The following TCEAL5 variants were observed in gnomAD, a reference collection of about 807,000 sequenced individuals.
TCEAL5 encodes the protein transcription elongation factor A like 5.
For synonymous variants in TCEAL5, 65 were observed against 61.2 expected (o/e 1.06, Z -0.29); for missense variants, 111 against 158.1 (o/e 0.70, Z 1.60).
chrX:103,274,681 T>C, intron 2 of TCEAL5, 91 bp from the exon 3 acceptor site: 1 of 917,173 alleles, frequency 1.1e-6, no homozygotes, highest in Non-Finnish European at 1.5e-6. Context: ...CTTAGGGTTT[T>C]CCTGGCCCTA....
At chrX:103,276,015 C>T (rs1456013434) in intron 1 of TCEAL5, among the ~76,000 whole-genome samples, 2 of 111,440 alleles carry the variant, frequency 1.8e-5, no homozygotes, top group Non-Finnish European at 1.9e-5. Flanking sequence ...CCCCCTTAGC[C>T]CACCGTTTCC....
chrX:103,274,325 C>G lies in TCEAL5; in HGVS notation c.239G>C (p.Gly80Ala). ...GNQEKQGKSE[G>A]EDKPQSEGKP... ...GCCCTCACTTTGTGGCTTGTCCTCA[C>G]CTTCAGACTTGCCCTGCTTTTCCTG... The change falls in exon 3 of 3, where the codon GGT (glycine) becomes GCT (alanine). Residue 80 changes from glycine (G) to alanine (A), a missense_variant. Coordinates refer to ENST00000372680, the MANE Select transcript of TCEAL5 (RefSeq NM_001012979.3). 2.5e-6 allele frequency: 3 copies of G among 1,211,679 alleles called. No homozygotes were observed. Among genetic ancestry groups the G allele is most frequent in the Non-Finnish European group, 3.4e-6 (3 of 895,465 alleles).
rs770358448 is a variant in TCEAL5 at position 103,273,847 on chromosome X, C to T, written c.*96G>A. ...AGTGACACCTAAAGGAAAGTATCAGCTTAAGGTTAAAGCACATAGGCCGGC... is the reference window on the plus strand; with the variant it reads ...AGTGACACCTAAAGGAAAGTATCAGTTTAAGGTTAAAGCACATAGGCCGGC... On this transcript the variant is annotated 3_prime_UTR_variant, in exon 3 of 3. Coordinates refer to ENST00000372680, the MANE Select transcript of TCEAL5 (RefSeq NM_001012979.3). 1.8e-6 allele frequency: 2 copies of T among 1,110,309 alleles called. No individual in the cohort carries two copies. Among genetic ancestry groups the T allele is most frequent in the East Asian group, 3.2e-5 (1 of 31,682 alleles). 91.5% of individuals were successfully genotyped at this position (1,110,309 alleles called of 1,213,427 possible).
Position 103,273,818 on chromosome X carries a change from C to A in TCEAL5, c.*125G>T. 1 of 1,026,483 alleles carries A rather than the reference C, an allele frequency of 9.7e-7. No individual in the cohort carries two copies. The allele number at this position is 1,026,483 out of a possible 1,213,427, so 84.6% of individuals were successfully genotyped here. On this transcript the variant is annotated 3_prime_UTR_variant, in exon 3 of 3. Coordinates refer to ENST00000372680, the MANE Select transcript of TCEAL5 (RefSeq NM_001012979.3). Reference sequence around the variant, plus strand: ...AGTTGGGTCAAAAGTCTGCTGGTAACAAGAGTGACACCTAAAGGAAAGTAT... The same window carrying A: ...AGTTGGGTCAAAAGTCTGCTGGTAAAAAGAGTGACACCTAAAGGAAAGTAT...
Position 103,274,568 on chromosome X carries a change from A to G in TCEAL5, c.-5T>C. On this transcript the variant is annotated 5_prime_UTR_variant, in exon 3 of 3. Coordinates refer to ENST00000372680, the MANE Select transcript of TCEAL5 (RefSeq NM_001012979.3). Reference sequence around the variant, plus strand: ...TTCTTTGTAGAGCTTTTCCATGTTGAGATGTTCCCTTCTTTGCCTTTCCTA... The same window carrying G: ...TTCTTTGTAGAGCTTTTCCATGTTGGGATGTTCCCTTCTTTGCCTTTCCTA... The G allele has an allele frequency of 8.5e-7, 1 of 1,182,960 alleles. No homozygotes were observed. The highest frequency in any genetic ancestry group is 1.1e-6 in the Non-Finnish European group (1 of 884,627).
In TCEAL5 at chrX:103,274,309, T is replaced by C. The variant is rs1455176826; in HGVS notation, c.255A>G (p.Gln85=). 2 of 1,211,682 alleles carry C rather than the reference T, an allele frequency of 1.7e-6. No individual in the cohort carries two copies. ...CCTGGGAGGCTGGCTTGCCCTCACT[T>C]TGTGGCTTGTCCTCACCTTCAGACT... ...QGKSEGEDKP[Q]SEGKPASQAK... is the part of the protein sequence containing the mutation. The change falls in exon 3 of 3, where the codon CAA becomes CAG. Residue 85 remains glutamine, a synonymous_variant. Transcript: ENST00000372680.
chrX:103,275,535 T>G (rs1450238529), intron 1 of TCEAL5, among the ~76,000 whole-genome samples, 193 bp from the exon 2 acceptor site: 1 of 112,016 alleles, frequency 8.9e-6, no homozygotes, highest in Admixed American at 9.4e-5. Flanking sequence ...ATTGTTCTAC[T>G]TGTGGGAAAT....
intron 1 of TCEAL5, 71 bp from the exon 2 acceptor site, chrX:103,275,413 G>C (rs939670906): frequency 1.8e-5 from 2 of 111,884 alleles, no homozygotes; most frequent in African/African-American, 6.5e-5. Flanking sequence ...CTTGGACACT[G>C]GTTCTTTGGG....
chrX:103,274,569 G>T lies in TCEAL5; in HGVS notation c.-6C>A. ...TCTTTGTAGAGCTTTTCCATGTTGA[G>T]ATGTTCCCTTCTTTGCCTTTCCTAG... On this transcript the variant is annotated 5_prime_UTR_variant, in exon 3 of 3. Transcript: ENST00000372680. The T allele has an allele frequency of 8.5e-7, 1 of 1,182,927 alleles. No homozygotes were observed. The highest frequency in any genetic ancestry group is 3.0e-5 in the East Asian group (1 of 33,705).
At chrX:103,274,652 T>C (rs1925525232) in intron 2 of TCEAL5, 62 bp from the exon 3 acceptor site, 4 of 1,063,202 alleles carry the variant, frequency 3.8e-6, no homozygotes, top group African/African-American at 3.7e-5. Context: ...CAGGTCCTTA[T>C]AGTACTTGTC....
At chrX:103,275,505 G>C (rs1389613740) in intron 1 of TCEAL5, among the ~76,000 whole-genome samples, 163 bp from the exon 2 acceptor site, 4 of 111,847 alleles carry the variant, frequency 3.6e-5, no homozygotes, top group African/African-American at 1.3e-4. Context: ...TCCGCGCGCA[G>C]CTCTTTCTTA....
At chrX:103,276,076 G>T (rs1925551508) in intron 1 of TCEAL5, among the ~76,000 whole-genome samples, 1 of 111,098 alleles carries the variant, frequency 9.0e-6, no homozygotes, top group East Asian at 2.9e-4. Flanking sequence ...ACTCAGGCCT[G>T]GACCCGTTGC....
Position 103,274,511 on chromosome X carries a change from A to G in TCEAL5, c.53T>C (p.Leu18Pro), listed in dbSNP as rs1214567471. The G allele has an allele frequency of 2.5e-6, 3 of 1,205,349 alleles. No homozygotes were observed. Among genetic ancestry groups the G allele is most frequent in the East Asian group, 3.0e-5 (1 of 33,716 alleles). ...NEGKPENERN[L>P]ESEGKPEDEG... ...ATCCTCTGGCTTTCCCTCACTTTCTAGGTTTCTTTCATTCTCTGGCTTTCC... is the reference window on the plus strand; with the variant it reads ...ATCCTCTGGCTTTCCCTCACTTTCTGGGTTTCTTTCATTCTCTGGCTTTCC... Residue 18 changes from leucine (L) to proline (P), a missense_variant, in exon 3 of 3, where the codon CTA becomes CCA. Physicochemically the swap from Leu to Pro is moderately conservative, Grantham distance 98 (BLOSUM62 -3). Transcript: ENST00000372680.
chrX:103,274,579 T>C lies in TCEAL5; in HGVS notation c.-16A>G. On this transcript the variant is annotated 5_prime_UTR_variant, in exon 3 of 3. Coordinates refer to ENST00000372680, the MANE Select transcript of TCEAL5 (RefSeq NM_001012979.3). ...GCTTTTCCATGTTGAGATGTTCCCT[T>C]CTTTGCCTTTCCTAGGAGACAAAAA... The C allele has an allele frequency of 8.5e-7, 1 of 1,173,109 alleles. No individual in the cohort carries two copies. Among genetic ancestry groups the C allele is most frequent in the Non-Finnish European group, 1.1e-6 (1 of 880,079 alleles).
intron 1 of TCEAL5, among the ~76,000 whole-genome samples, 191 bp from the exon 2 acceptor site, chrX:103,275,533 A>G (rs1171130736): frequency 1.8e-5 from 2 of 111,267 alleles, no homozygotes; most frequent in Non-Finnish European, 3.8e-5. Context: ...CCATTGTTCT[A>G]CTTGTGGGAA....
At chrX:103,275,169 G>T (rs910130475) in intron 2 of TCEAL5, 106 bp downstream of exon 2, 10 of 111,633 alleles carry the variant, frequency 9.0e-5, no homozygotes, top group African/African-American at 3.3e-4. Flanking sequence ...ACTGCAAGAG[G>T]GAGGATTGGA....
intron 1 of TCEAL5, among the ~76,000 whole-genome samples, chrX:103,275,754 G>A: frequency 9.0e-6 from 1 of 111,368 alleles, no homozygotes; most frequent in East Asian, 2.8e-4. Flanking sequence ...TGAAAATGGT[G>A]ATGACAGAGA....
At chrX:103,275,025 C>T (rs982226398) in intron 2 of TCEAL5, among the ~76,000 whole-genome samples, 1 of 111,762 alleles carries the variant, frequency 8.9e-6, no homozygotes, top group African/African-American at 3.3e-5. Context: ...GATTTCAGGG[C>T]TACCCTTATG....
Position 103,273,717 on chromosome X carries a change from G to A in TCEAL5, c.*226C>T, listed in dbSNP as rs553372657. 530 of 478,986 alleles carry A rather than the reference G, an allele frequency of 1.1e-3. 2 individuals are homozygous for A. The Middle Eastern group carries it at 0.011, about 10-fold the overall frequency. The allele number at this position is 478,986 out of a possible 1,213,427, so 39.5% of individuals were successfully genotyped here. A position where few individuals can be genotyped will look rare whatever the true frequency, so the allele number is the denominator to read the frequency against. On this transcript the variant is annotated 3_prime_UTR_variant, in exon 3 of 3. Transcript: ENST00000372680. ...ATGGTTCTGAAAACTCTTTTTTATT[G>A]TTATTTTACAATGTACCATGAACAT...
Sources: allele counts gnomAD v4.1 joint callset (sites outside exome capture counted in the v4.1 genomes callset), GRCh38; gene constraint gnomAD v4.1.1; transcripts MANE v1.5; gene names NCBI Gene and HGNC (gene_info 2026-07-23, HGNC 2026-07-21).